Variants in BRCA2 observed in about 807,000 individuals in gnomAD.
BRCA2 encodes breast cancer type 2 susceptibility protein.
BRCA2 carries 203 observed loss-of-function variants against 276.7 expected under a neutral mutation model. That is an observed-to-expected ratio of 0.73 (90% CI 0.65 to 0.82). The LOEUF is 0.82. Among genes scored for constraint, BRCA2 ranks in the 40% least tolerant of loss-of-function variants. The pLI, the probability that BRCA2 is intolerant of heterozygous loss-of-function variation, is 0.00. For synonymous variants in BRCA2, 1,289 were observed against 1,338.4 expected (o/e 0.96, Z 0.81); for missense variants, 3,920 against 3,915.0 (o/e 1.00, Z -0.03).
At chr13:32,389,497 C>T (rs1047837697) in intron 24 of BRCA2, among the ~76,000 whole-genome samples, 1 of 152,146 alleles carries the variant, frequency 6.6e-6, no homozygotes, top group African/African-American at 2.4e-5. Flanking sequence ...AGTTTTCTCT[C>T]ATCTCAGAAT....
chr13:32,338,333 T>C lies in BRCA2; in HGVS notation c.3978T>C (p.Ala1326=). 1 of 1,586,054 alleles carries C rather than the reference T, an allele frequency of 6.3e-7. No homozygotes were observed. Among genetic ancestry groups the C allele is most frequent in the Non-Finnish European group, 8.6e-7 (1 of 1,168,938 alleles). Reference sequence around the variant, plus strand: ...AAAATGAAGATAACAAATATACTGCTGCCAGTAGAAATTCTCATAACTTAG... The same window carrying C: ...AAAATGAAGATAACAAATATACTGCCGCCAGTAGAAATTCTCATAACTTAG... ...NTENEDNKYT[A]ASRNSHNLEF... The change falls in exon 11 of 27, where the codon GCT becomes GCC. Residue 1326 remains alanine (A), a synonymous_variant. Transcript: ENST00000380152.
intron 10 of BRCA2, 109 bp from the exon 11 acceptor site, chr13:32,336,156 C>G (rs2072445943): frequency 2.4e-6 from 3 of 1,249,184 alleles, no homozygotes; most frequent in African/African-American, 3.0e-5. Flanking sequence ...GCTGAGATTA[C>G]AGGCATGAGC....
chr13:32,318,587 G>A (rs544839136), intron 2 of BRCA2, among the ~76,000 whole-genome samples: 5 of 152,144 alleles, frequency 3.3e-5, no homozygotes, highest in African/African-American at 4.8e-5. Context: ...GACTACAGGC[G>A]TGTGCCACCA....
At chr13:32,318,980 A>G in intron 2 of BRCA2, 97 bp from the exon 3 acceptor site, 5 of 1,489,372 alleles carry the variant, frequency 3.4e-6, no homozygotes, top group East Asian at 2.3e-5. Context: ...CATAGTCAAG[A>G]TCTTAAGCAT....
chr13:32,337,227 A>G lies in BRCA2; in HGVS notation c.2872A>G (p.Ser958Gly), dbSNP rs80358537. ...VYVLAEENKN[S>G]VKQHIKMTLG... Reference sequence around the variant, plus strand: ...TGTTCTTGCAGAGGAGAACAAAAATAGTGTAAAGCAGCATATAAAAATGAC... The same window carrying G: ...TGTTCTTGCAGAGGAGAACAAAAATGGTGTAAAGCAGCATATAAAAATGAC... Residue 958 changes from serine (S) to glycine (G), a missense_variant, in exon 11 of 27, where the codon AGT becomes GGT. Transcript: ENST00000380152. The G allele has an allele frequency of 6.2e-7, 1 of 1,611,982 alleles. No individual in the cohort carries two copies. The highest frequency in any genetic ancestry group is 8.5e-7 in the Non-Finnish European group (1 of 1,179,364).
At position 32,363,305 on chromosome 13, in the gene BRCA2, T is replaced by G. The variant is rs80359801; in HGVS notation, c.8103T>G (p.Ser2701=). 29 of 1,614,196 alleles carry G rather than the reference T, an allele frequency of 1.8e-5. No individual in the cohort carries two copies. The highest frequency in any genetic ancestry group is 2.4e-5 in the Non-Finnish European group (28 of 1,180,020). ...TAATTTCATTGAGCGCAAATATATC[T>G]GAAACTTCTAGCAATAAAACTAGTA... ...SDIISLSANI[S]ETSSNKTSSA... is the part of the protein sequence containing the mutation. The change falls in exon 18 of 27, where the codon TCT becomes TCG. Residue 2701 remains serine, a synonymous_variant. Coordinates refer to ENST00000380152, the MANE Select transcript of BRCA2 (RefSeq NM_000059.4).
In BRCA2 at chr13:32,396,296, G is replaced by A. The variant is rs7336403; in HGVS notation, c.9502-602G>A. ...CATTTTCTCTGAGACGTCTTCAAAG[G>A]CAGTTTACTAATCCTGCTGAAGAGA... On this transcript the variant is annotated intron_variant, in intron 25 of 26. Transcript: ENST00000380152. Among the ~76,000 whole-genome samples, 1,799 of 151,948 alleles carry A rather than the reference G, an allele frequency of 0.012. 41 individuals carry two copies. The highest frequency in any genetic ancestry group is 0.041 in the African/African-American group (1,717 of 41,422).
chr13:32,345,707 T>C (rs1441938562), intron 12 of BRCA2, among the ~76,000 whole-genome samples: 5 of 152,064 alleles, frequency 3.3e-5, no homozygotes, highest in Admixed American at 1.3e-4. Flanking sequence ...GACTCAAGTC[T>C]AAACACGAAA....
chr13:32,355,656 G>A (rs1183180860), intron 14 of BRCA2, among the ~76,000 whole-genome samples: 1 of 152,044 alleles, frequency 6.6e-6, no homozygotes, highest in Non-Finnish European at 1.5e-5. Context: ...GAGGTCAGGA[G>A]TTCAAGACCA....
At chr13:32,374,334 G>A (rs759763976) in intron 20 of BRCA2, among the ~76,000 whole-genome samples, 10 of 152,284 alleles carry the variant, frequency 6.6e-5, no homozygotes, top group Non-Finnish European at 1.2e-4. Flanking sequence ...ATTCTTTCCC[G>A]GGAAATGGAT....
At chr13:32,349,389 C>T (rs2072632523) in intron 13 of BRCA2, among the ~76,000 whole-genome samples, 3 of 150,932 alleles carry the variant, frequency 2.0e-5, no homozygotes, top group Admixed American at 1.3e-4. Flanking sequence ...CAGAAGGAAA[C>T]TGAATGAAAG....
At chr13:32,352,338 C>T (rs1484774906) in intron 13 of BRCA2, among the ~76,000 whole-genome samples, 3 of 151,724 alleles carry the variant, frequency 2.0e-5, no homozygotes, top group Admixed American at 1.3e-4. Context: ...ATGTATTTAA[C>T]AAACAAACAT....
chr13:32,396,728 A>T, intron 25 of BRCA2, 170 bp from the exon 26 acceptor site: 1 of 744,738 alleles, frequency 1.3e-6, no homozygotes, highest in Non-Finnish European at 2.2e-6. Context: ...AATCACTGAT[A>T]CTGGTTTTGT....
Position 32,336,726 on chromosome 13 carries a change from T to C in BRCA2, c.2371T>C (p.Ser791Pro), listed in dbSNP as rs2137485807. 6.2e-7 allele frequency: 1 copy of C among 1,614,008 alleles called. No homozygotes were observed. Reference sequence around the variant, plus strand: ...AGTCATGATTTCTAGAGGCAAAGAATCATACAAAATGTCAGACAAGCTCAA... The same window carrying C: ...AGTCATGATTTCTAGAGGCAAAGAACCATACAAAATGTCAGACAAGCTCAA... ...NLVMISRGKE[S>P]YKMSDKLKGN... Residue 791 changes from serine to proline, a missense_variant, in exon 11 of 27, where the codon TCA becomes CCA. This residue lies in a region of BRCA2 where 3,263 missense variants were observed against 3,156.9 expected (regional missense o/e 1.03). Coordinates refer to ENST00000380152, the MANE Select transcript of BRCA2 (RefSeq NM_000059.4).
chr13:32,349,066 A>G (rs1027062761), intron 13 of BRCA2, among the ~76,000 whole-genome samples: 1 of 151,880 alleles, frequency 6.6e-6, no homozygotes, highest in Non-Finnish European at 1.5e-5. Flanking sequence ...TACTGAAAAT[A>G]CAAAAATTAG....
At chr13:32,324,111 A>T (rs952534837) in intron 3 of BRCA2, among the ~76,000 whole-genome samples, 1 of 152,354 alleles carries the variant, frequency 6.6e-6, no homozygotes, top group South Asian at 2.1e-4. Flanking sequence ...GGATACAGTG[A>T]CAAATAAGAC....
At chr13:32,393,835 C>T (rs2073014607) in intron 24 of BRCA2, among the ~76,000 whole-genome samples, 1 of 152,134 alleles carries the variant, frequency 6.6e-6, no homozygotes, top group Non-Finnish European at 1.5e-5. Context: ...TGTGAAGTAT[C>T]ACTGTGGTTC....
intron 16 of BRCA2, among the ~76,000 whole-genome samples, chr13:32,361,370 A>C (rs2072736415): frequency 6.6e-6 from 1 of 152,222 alleles, no homozygotes. Flanking sequence ...GTGGAGTGAT[A>C]TCCTGATTAG....
At chr13:32,389,846 C>G (rs1011035033) in intron 24 of BRCA2, among the ~76,000 whole-genome samples, 1 of 152,112 alleles carries the variant, frequency 6.6e-6, no homozygotes. Flanking sequence ...TGGTCCCTGG[C>G]AGTTTTTTCT....
Sources: gnomAD v4.1 joint callset for allele counts (sites outside exome capture counted in the v4.1 genomes callset) on GRCh38, gnomAD v4.1.1 for gene constraint, gnomAD v4.1.1 regional missense constraint, MANE v1.5 for transcripts, NCBI Gene and HGNC (gene_info 2026-07-23, HGNC 2026-07-21) for gene names.